Variants in DNAH17 observed in about 807,000 individuals in gnomAD.
DNAH17 encodes the protein axonemal beta dynein heavy chain 17.
A neutral mutation model predicts 485.6 loss-of-function variants in DNAH17; 376 were observed. The ratio of observed to expected loss-of-function variants is 0.77; its 90% CI spans 0.71 to 0.84. The LOEUF (loss-of-function observed/expected upper bound fraction) is 0.84. Among genes scored for constraint, DNAH17 ranks in the 40% least tolerant of loss-of-function variants. The pLI, the probability that DNAH17 is intolerant of heterozygous loss-of-function variation, is 0.00. For synonymous variants in DNAH17, 3,031 were observed against 2,405.9 expected, an observed-to-expected ratio of 1.26 and a Z score of -7.60; for missense variants, 6,370 against 5,839.3, an observed-to-expected ratio of 1.09 and a Z score of -2.96.
chr17:78,471,967 C>G (rs1210851260), intron 54 of DNAH17, among the ~76,000 whole-genome samples: 1 of 152,190 alleles, frequency 6.6e-6, no homozygotes, highest in Non-Finnish European at 1.5e-5. Context: ...TCTCCCCCAC[C>G]CTCCCTCCTA....
intron 26 of DNAH17, among the ~76,000 whole-genome samples, chr17:78,513,248 A>C (rs2090684316): frequency 6.6e-6 from 1 of 152,112 alleles, no homozygotes; most frequent in Admixed American, 6.5e-5. Context: ...AACACAGAGA[A>C]CCTAAGACTG....
intron 20 of DNAH17, among the ~76,000 whole-genome samples, chr17:78,530,985 T>C (rs1264145215): frequency 6.6e-6 from 1 of 152,248 alleles, no homozygotes; most frequent in African/African-American, 2.4e-5. Flanking sequence ...GGTTTGTGCG[T>C]TAACTATGTT....
chr17:78,425,502 G>A lies in DNAH17; in HGVS notation c.12985C>T (p.Gln4329Ter). 1 of 1,613,942 alleles carries A rather than the reference G, an allele frequency of 6.2e-7. No homozygotes were observed. The highest frequency in any genetic ancestry group is 8.5e-7 in the Non-Finnish European group (1 of 1,179,924). Reference sequence around the variant, plus strand: ...TGCATGATGGCCGTGAGGAACGACTGGGGGTTGAAGAAGCCGGCCAGCCAC... The same window carrying A: ...TGCATGATGGCCGTGAGGAACGACTAGGGGTTGAAGAAGCCGGCCAGCCAC... ...TVWLAGFFNP[Q>*]SFLTAIMQSM... The change falls in exon 80 of 81, where the codon CAG becomes TAG. Residue 4329 changes from glutamine to a stop codon, truncating the protein, a stop_gained. Coordinates refer to ENST00000389840, the MANE Select transcript of DNAH17 (RefSeq NM_173628.4). LOFTEE classifies it high-confidence loss of function.
chr17:78,543,067 G>A (rs186718948), intron 17 of DNAH17, among the ~76,000 whole-genome samples: 364 of 152,274 alleles, frequency 2.4e-3, no homozygotes, highest in African/African-American at 8.5e-3. Flanking sequence ...GTACAGCAAG[G>A]GTGGTCTACT....
rs759795628 is a variant in DNAH17, at chr17:78,454,722, A to AC, written c.10171-18dup. 6.2e-7 allele frequency: 1 copy of AC among 1,602,060 alleles called. No homozygotes were observed. The highest frequency in any genetic ancestry group is 1.7e-5 in the Admixed American group (1 of 59,590). On this transcript the variant is annotated splice_polypyrimidine_tract_variant and intron_variant, in intron 63 of 80. Coordinates refer to ENST00000389840, the MANE Select transcript of DNAH17 (RefSeq NM_173628.4). ...GATGGGGACCTGCCCAGGGAGGCAC[A>AC]CTTTCTTAGAGGGGGTAATGCGACC...
intron 30 of DNAH17, among the ~76,000 whole-genome samples, chr17:78,506,140 A>ATC (rs762122367): frequency 1.0e-3 from 132 of 128,286 alleles, no homozygotes; most frequent in African/African-American, 3.9e-3. Context: ...CACCTAGTTA[A>ATC]TTTTTTTTTT....
At chr17:78,470,446 T>G (rs2088696458) in intron 54 of DNAH17, among the ~76,000 whole-genome samples, 1 of 150,960 alleles carries the variant, frequency 6.6e-6, no homozygotes, top group African/African-American at 2.4e-5. Flanking sequence ...TCCCAGCACT[T>G]TGGGAGGCCG....
chr17:78,425,285 T>C (rs2086391800), intron 80 of DNAH17, 61 bp downstream of exon 80: 1 of 1,475,242 alleles, frequency 6.8e-7, no homozygotes, highest in South Asian at 1.2e-5. Context: ...TAGTTTTATC[T>C]TGTCTTGGCA....
rs766852762 is a variant in DNAH17 at position 78,453,386 on chromosome 17, C to T, written c.10486G>A (p.Val3496Met). 5.5e-5 allele frequency: 88 copies of T among 1,613,638 alleles called. No individual in the cohort carries two copies. Among genetic ancestry groups the T allele is most frequent in the Admixed American group, 5.2e-4 (31 of 59,964 alleles). Residue 3496 changes from valine (V) to methionine (M), a missense_variant, in exon 65 of 81, where the codon GTG becomes ATG. Coordinates refer to ENST00000389840, the MANE Select transcript of DNAH17 (RefSeq NM_173628.4). ...TTCCTGCCCAGTAGAGGGTCCAGCACGGGGTCCACGGTTTCGCCGATGTTC... is the reference window on the plus strand; with the variant it reads ...TTCCTGCCCAGTAGAGGGTCCAGCATGGGGTCCACGGTTTCGCCGATGTTC... ...IENIGETVDP[V>M]LDPLLGRNTI...
chr17:78,453,946 G>A (rs530358080), intron 64 of DNAH17, among the ~76,000 whole-genome samples: 12 of 152,150 alleles, frequency 7.9e-5, no homozygotes, highest in East Asian at 3.9e-4. Flanking sequence ...GAGCTCAAGC[G>A]ATCCTCCTTC....
chr17:78,561,906 C>T lies in DNAH17; in HGVS notation c.1644G>A (p.Met548Ile), dbSNP rs1246417037. ...CTAGCTCAGCGTCAAACAGCTCCAG[C>T]ATGACTGAATACCTGGGCGCCACCT... ...LAEVAPRYSV[M>I]LELFDAELDN... Residue 548 changes from methionine (M) to isoleucine (I), a missense_variant, in exon 12 of 81, where the codon ATG (methionine) becomes ATA (isoleucine). Coordinates refer to ENST00000389840, the MANE Select transcript of DNAH17 (RefSeq NM_173628.4). 1 of 1,613,828 alleles carries T rather than the reference C, an allele frequency of 6.2e-7. No individual in the cohort carries two copies.
intron 65 of DNAH17, among the ~76,000 whole-genome samples, 184 bp from the exon 66 acceptor site, chr17:78,451,857 C>T (rs1184725812): frequency 6.6e-6 from 1 of 152,070 alleles, no homozygotes; most frequent in African/African-American, 2.4e-5. Context: ...TGACGTGGGC[C>T]CTTCTGGGAG....
At chr17:78,441,834 C>G (rs2087089078) in intron 71 of DNAH17, among the ~76,000 whole-genome samples, 1 of 152,156 alleles carries the variant, frequency 6.6e-6, no homozygotes, top group African/African-American at 2.4e-5. Context: ...CCTGTAATCT[C>G]AGCACTTTGG....
In DNAH17 at chr17:78,576,632, A is replaced by G. The variant is rs113531015; in HGVS notation, c.-26+663T>C. 2.5e-4 allele frequency among the ~76,000 whole-genome samples: 38 copies of G among 152,294 alleles called. 1 individual carries two copies. The highest frequency in any genetic ancestry group is 7.2e-4 in the African/African-American group (30 of 41,568). On this transcript the variant is annotated intron_variant, in intron 1 of 80. Coordinates refer to ENST00000389840, the MANE Select transcript of DNAH17 (RefSeq NM_173628.4). Reference sequence around the variant, plus strand: ...CATTTCCTAGGGGGATCAGGAACTCAGGGGAGCCCGAGTCCTGGAAGGTTC... The same window carrying G: ...CATTTCCTAGGGGGATCAGGAACTCGGGGGAGCCCGAGTCCTGGAAGGTTC...
At chr17:78,451,206 C>T (rs75759647) in intron 66 of DNAH17, among the ~76,000 whole-genome samples, 4,716 of 152,328 alleles carry the variant, frequency 0.031, 108 homozygotes, top group Middle Eastern at 0.054. Context: ...CCCCGAGGAC[C>T]GCTGTGACTC....
At chr17:78,495,204 C>A in intron 38 of DNAH17, 107 bp from the exon 39 acceptor site, 3 of 1,378,286 alleles carry the variant, frequency 2.2e-6, no homozygotes, top group Non-Finnish European at 2.9e-6. Context: ...GCCAGGTAGA[C>A]CACAGCAGAG....
At chr17:78,555,644 A>C (rs1426427306) in intron 14 of DNAH17, among the ~76,000 whole-genome samples, 1 of 152,002 alleles carries the variant, frequency 6.6e-6, no homozygotes, top group African/African-American at 2.4e-5. Context: ...CGAACATGAA[A>C]TAATGTGGCC....
chr17:78,450,523 C>G, intron 67 of DNAH17, 129 bp from the exon 68 acceptor site: 1 of 1,440,708 alleles, frequency 6.9e-7, no homozygotes, highest in South Asian at 1.3e-5. Flanking sequence ...CAGCTGGGTG[C>G]AGGATGGGAG....
rs1473565646 is a variant in DNAH17 at position 78,439,326 on chromosome 17, T to C, written c.11678-109A>G. On this transcript the variant is annotated intron_variant, in intron 72 of 80. Transcript: ENST00000389840. The stretch of plus-strand genomic sequence containing the variant: ...ACATGCCTCCCTCATTTAGTTTCGG[T>C]GGTGAAATACACATGACATAAAACT... The C allele has an allele frequency of 1.4e-5, 18 of 1,317,142 alleles. No individual in the cohort carries two copies. The Admixed American group carries it at 4.7e-4, about 34-fold the overall frequency. The allele number at this position is 1,317,142 out of a possible 1,614,324, so 81.6% of individuals were successfully genotyped here.
Sources: gnomAD v4.1 joint callset for allele counts (sites outside exome capture counted in the v4.1 genomes callset) on GRCh38, gnomAD v4.1.1 for gene constraint, MANE v1.5 for transcripts, NCBI Gene and HGNC (gene_info 2026-07-23, HGNC 2026-07-21) for gene names.